ME3: variants seen among roughly 807,000 people sequenced by gnomAD.
The protein encoded by ME3 is NADP-dependent malic enzyme, mitochondrial.
A neutral mutation model predicts 68.9 loss-of-function variants in ME3; 48 were observed. That is an observed-to-expected ratio of 0.70 (90% confidence interval 0.55 to 0.89). The LOEUF is 0.89. Ranked by LOEUF, ME3 falls within the 40% of genes least tolerant of loss-of-function variation. The probability of loss-of-function intolerance (pLI) is 0.00; values close to 1 mark genes in which losing one functional copy is unlikely to be tolerated. For synonymous variants in ME3, 320 were observed against 318.8 expected (o/e 1.00, Z -0.04); for missense variants, 675 against 797.4 (o/e 0.85, Z 1.85).
rs751565390 is a variant in ME3 at position 86,487,320 on chromosome 11, C to G, written c.809+17G>C. Reference sequence around the variant, plus strand: ...CTTAAAAGTCCTCTTTCAAAAGGGACAGACTGGTCCACTTACTTGTCTGTC... The same window carrying G: ...CTTAAAAGTCCTCTTTCAAAAGGGAGAGACTGGTCCACTTACTTGTCTGTC... On this transcript the variant is annotated intron_variant, in intron 7 of 14. Transcript: ENST00000543262. 1 of 1,606,446 alleles carries G rather than the reference C, an allele frequency of 6.2e-7. No homozygotes were observed. Among genetic ancestry groups the G allele is most frequent in the Non-Finnish European group, 8.5e-7 (1 of 1,173,036 alleles).
At chr11:86,447,149 G>A in exon 12 of ME3, 1 of 1,614,198 alleles carries the variant, frequency 6.2e-7, no homozygotes, top group Non-Finnish European at 8.5e-7. Flanking sequence ...GGCGCTCGTG[G>A]AAGGAGGCCA....
intron 6 of ME3, among the ~76,000 whole-genome samples, chr11:86,489,959 C>A (rs1951902226): frequency 6.6e-6 from 1 of 152,144 alleles, no homozygotes; most frequent in East Asian, 1.9e-4. Context: ...CTGCTTAAGA[C>A]CTTGGACTCG....
intron 4 of ME3, among the ~76,000 whole-genome samples, chr11:86,546,593 A>T (rs1045065798): frequency 9.2e-5 from 14 of 152,256 alleles, no homozygotes; most frequent in African/African-American, 3.4e-4. Flanking sequence ...CATTAGAGAA[A>T]CGCAAATCAA....
chr11:86,582,528 T>C (rs1419400043), intron 2 of ME3, among the ~76,000 whole-genome samples: 2 of 152,182 alleles, frequency 1.3e-5, no homozygotes, highest in Non-Finnish European at 2.9e-5. Flanking sequence ...AACCTTGTCC[T>C]TGGGAAATAT....
chr11:86,505,304 G>T (rs1326947379), intron 5 of ME3, among the ~76,000 whole-genome samples: 1 of 152,106 alleles, frequency 6.6e-6, no homozygotes. Context: ...GTAGGGCAGG[G>T]AGGGGTCTGG....
chr11:86,507,076 G>C (rs1245743738), intron 5 of ME3, among the ~76,000 whole-genome samples: 1 of 152,204 alleles, frequency 6.6e-6, no homozygotes, highest in Non-Finnish European at 1.5e-5. Flanking sequence ...GCTCCTGAGG[G>C]CCAAGGTTCT....
intron 4 of ME3, among the ~76,000 whole-genome samples, chr11:86,531,352 G>A (rs1955214463): frequency 6.6e-6 from 1 of 152,034 alleles, no homozygotes. Context: ...GGAAACAACA[G>A]GTGCTGGAGA....
chr11:86,451,094 T>C (rs1052133453), intron 8 of ME3, among the ~76,000 whole-genome samples: 1 of 152,240 alleles, frequency 6.6e-6, no homozygotes, highest in African/African-American at 2.4e-5. Context: ...AGGTGGCAGC[T>C]TCACAGCCCC....
At chr11:86,480,378 T>G (rs634509) in intron 7 of ME3, among the ~76,000 whole-genome samples, 118,080 of 152,176 alleles carry the variant, frequency 0.78, 45,882 homozygotes, top group Non-Finnish European at 0.79. Flanking sequence ...CCTTTCCAGT[T>G]TGAAGAGTCA....
At chr11:86,550,107 C>T (rs1956590749) in intron 4 of ME3, among the ~76,000 whole-genome samples, 1 of 152,184 alleles carries the variant, frequency 6.6e-6, no homozygotes, top group Admixed American at 6.5e-5. Flanking sequence ...CTGGGCTCCA[C>T]TTCAGGGATT....
At chr11:86,669,841 C>A (rs1293964870) in intron 2 of ME3, among the ~76,000 whole-genome samples, 1 of 152,224 alleles carries the variant, frequency 6.6e-6, no homozygotes, top group Non-Finnish European at 1.5e-5. Context: ...GATCTTCCTT[C>A]ATTTTCTTAA....
downstream of ME3, among the ~76,000 whole-genome samples, chr11:86,439,493 A>G (rs1170557069): frequency 6.6e-6 from 1 of 152,234 alleles, no homozygotes. Flanking sequence ...CCAAGGATGA[A>G]TGCCGTTTCC....
intron 5 of ME3, among the ~76,000 whole-genome samples, chr11:86,500,931 G>A (rs1336815288): frequency 6.6e-6 from 1 of 151,118 alleles, no homozygotes; most frequent in East Asian, 1.9e-4. Flanking sequence ...GTGTATTAAG[G>A]ACCCACTGCC....
At chr11:86,634,622 A>G (rs1053469111) in intron 2 of ME3, among the ~76,000 whole-genome samples, 1 of 152,224 alleles carries the variant, frequency 6.6e-6, no homozygotes, top group Non-Finnish European at 1.5e-5. Flanking sequence ...ATTGTCTACT[A>G]TGCATGAAGG....
chr11:86,598,697 C>A (rs1960013179), intron 2 of ME3, among the ~76,000 whole-genome samples: 1 of 151,462 alleles, frequency 6.6e-6, no homozygotes, highest in Non-Finnish European at 1.5e-5. Flanking sequence ...TGGGAGGCAC[C>A]CCCCAGTAGG....
intron 2 of ME3, among the ~76,000 whole-genome samples, chr11:86,618,257 G>A (rs187441230): frequency 1.4e-4 from 17 of 124,418 alleles, no homozygotes; most frequent in Admixed American, 5.2e-4. Flanking sequence ...CTGAGATTGC[G>A]CCACTGCACC....
At chr11:86,640,354 C>G (rs976822880) in intron 2 of ME3, among the ~76,000 whole-genome samples, 7 of 152,182 alleles carry the variant, frequency 4.6e-5, no homozygotes, top group African/African-American at 1.7e-4. Flanking sequence ...CAGCCTCTGA[C>G]TTTTATTTCT....
At chr11:86,463,294 G>C (rs116802573) in intron 8 of ME3, among the ~76,000 whole-genome samples, 1,866 of 152,318 alleles carry the variant, frequency 0.012, 48 homozygotes, top group African/African-American at 0.043. Flanking sequence ...TGGCAGCCCG[G>C]TGGGCTCAGG....
chr11:86,618,719 CTTT>C lies in ME3; in HGVS notation c.183+53040_183+53042del, dbSNP rs1173272488. Among the ~76,000 whole-genome samples the C allele has an allele frequency of 8.0e-5, 11 of 137,356 alleles. No individual in the cohort carries two copies. The East Asian group carries it at 1.0e-3, about 13-fold the overall frequency. 90.1% of individuals were successfully genotyped at this position (137,356 alleles called of 152,430 possible). A position where few individuals can be genotyped will look rare whatever the true frequency, so the allele number is the denominator to read the frequency against. ...TAAATGAGTTCTCATGAGATCTGGTCTTTTTTTTTTTTTTTTGAGACGGAGTCT... is the reference window on the plus strand; with the variant it reads ...TAAATGAGTTCTCATGAGATCTGGTCTTTTTTTTTTTTTGAGACGGAGTCT... On this transcript the variant is annotated intron_variant, in intron 2 of 14. Transcript: ENST00000543262.
Sources: allele counts gnomAD v4.1 joint callset (sites outside exome capture counted in the v4.1 genomes callset), GRCh38; gene constraint gnomAD v4.1.1; transcripts MANE v1.5; gene names NCBI Gene and HGNC (gene_info 2026-07-23, HGNC 2026-07-21).